The following SERINC5 variants were observed in gnomAD, a reference collection of about 807,000 sequenced individuals.
SERINC5 encodes chromosome 5 open reading frame 12.
In SERINC5, 41 loss-of-function variants were observed where a neutral mutation model predicts 63.1. The observed-to-expected ratio is 0.65, with a 90% CI of 0.51 to 0.84. The LOEUF (loss-of-function observed/expected upper bound fraction) is 0.84. SERINC5 is among the 40% of genes least tolerant of loss of function. The pLI is 0.00. For synonymous variants in SERINC5, 222 were observed against 215.2 expected (o/e 1.03, Z -0.28); for missense variants, 523 against 573.0 (o/e 0.91, Z 0.89).
chr5:80,160,982 G>T (rs200258985), intron 7 of SERINC5, among the ~76,000 whole-genome samples: 13 of 132,988 alleles, frequency 9.8e-5, no homozygotes, highest in African/African-American at 3.4e-4. Context: ...ATGTATATAT[G>T]TGTGTATATG....
In SERINC5 at chr5:80,227,054, C is replaced by T. The variant is rs13355674; in HGVS notation, c.28-24001G>A. ...GGGATTATAGGTGCCCCCCACCACG[C>T]CCGGCTAATTTTTGTATTTTTTGTA... On this transcript the variant is annotated intron_variant, in intron 1 of 11. Coordinates refer to ENST00000507668, the MANE Select transcript of SERINC5 (RefSeq NM_001174072.3). Among the ~76,000 whole-genome samples the T allele has an allele frequency of 4.6e-5, 7 of 151,700 alleles. No homozygotes were observed. In the East Asian group the frequency reaches 1.4e-3, roughly 30 times the overall value.
downstream of SERINC5, among the ~76,000 whole-genome samples, chr5:80,135,481 C>T (rs1387353438): frequency 6.6e-6 from 1 of 152,182 alleles, no homozygotes; most frequent in Admixed American, 6.5e-5. Flanking sequence ...AGTTATCTGC[C>T]TCCCACATTC....
At chr5:80,253,888 G>C (rs965293367) in intron 1 of SERINC5, among the ~76,000 whole-genome samples, 1 of 152,190 alleles carries the variant, frequency 6.6e-6, no homozygotes, top group African/African-American at 2.4e-5. Context: ...AAACAAACAA[G>C]AATTGGTAAC....
At chr5:80,230,446 A>AC (rs1751385328) in intron 1 of SERINC5, among the ~76,000 whole-genome samples, 2 of 35,858 alleles carry the variant, frequency 5.6e-5, no homozygotes, top group Admixed American at 3.2e-4. Flanking sequence ...AGACTGTCAC[A>AC]AAAAAAAAAA....
intron 1 of SERINC5, among the ~76,000 whole-genome samples, chr5:80,204,093 C>T (rs540748058): frequency 2.0e-5 from 3 of 152,298 alleles, no homozygotes; most frequent in Non-Finnish European, 2.9e-5. Context: ...GGGACCCTTC[C>T]GGACAGTGCC....
intron 1 of SERINC5, among the ~76,000 whole-genome samples, chr5:80,223,282 C>G (rs1467103193): frequency 6.6e-6 from 1 of 152,144 alleles, no homozygotes; most frequent in Non-Finnish European, 1.5e-5. Context: ...ATGCTCAAGT[C>G]CCTGATATAA....
intron 7 of SERINC5, among the ~76,000 whole-genome samples, chr5:80,165,369 TC>T (rs1476452803): frequency 6.6e-6 from 1 of 152,220 alleles, no homozygotes; most frequent in Non-Finnish European, 1.5e-5. Context: ...GGAAACAACT[TC>T]AATTCTCTTA....
intron 1 of SERINC5, among the ~76,000 whole-genome samples, chr5:80,214,575 C>CA (rs1750581445): frequency 7.2e-6 from 1 of 138,980 alleles, no homozygotes; most frequent in Non-Finnish European, 1.6e-5. Flanking sequence ...AAAAAACGAA[C>CA]AAAAAAACAC....
intron 1 of SERINC5, among the ~76,000 whole-genome samples, chr5:80,251,109 C>G (rs142737777): frequency 1.3e-5 from 2 of 152,160 alleles, no homozygotes; most frequent in African/African-American, 4.8e-5. Context: ...CAGACCCAGT[C>G]TCTACAAAAA....
At chr5:80,188,346 T>C (rs1168268148) in intron 2 of SERINC5, among the ~76,000 whole-genome samples, 2 of 151,182 alleles carry the variant, frequency 1.3e-5, no homozygotes, top group African/African-American at 4.9e-5. Context: ...TTTGCACTTA[T>C]ATAAGCAAAA....
At chr5:80,169,262 A>G in intron 6 of SERINC5, 73 bp downstream of exon 6, 1 of 1,308,824 alleles carries the variant, frequency 7.6e-7, no homozygotes, top group South Asian at 1.3e-5. Context: ...AACAAAACAA[A>G]AAAAGCCATT....
intron 8 of SERINC5, among the ~76,000 whole-genome samples, chr5:80,156,310 AG>A (rs1300475704): frequency 1.3e-5 from 2 of 152,204 alleles, no homozygotes; most frequent in Middle Eastern, 3.2e-3. Flanking sequence ...CAAACTCTTC[AG>A]AAGTCCAGAT....
chr5:80,163,440 T>C (rs979528632), intron 7 of SERINC5, among the ~76,000 whole-genome samples: 3 of 152,186 alleles, frequency 2.0e-5, no homozygotes, highest in African/African-American at 7.2e-5. Flanking sequence ...CTTCCCATTT[T>C]TCCCCACTCA....
rs1391633510 is a variant in SERINC5, at chr5:80,142,666, C to T, written c.*997G>A. On this transcript the variant is annotated 3_prime_UTR_variant, in exon 12 of 12. Transcript: ENST00000507668. The stretch of plus-strand genomic sequence containing the variant: ...CAGATCCAGAACACAAAACGACTTC[C>T]GCTTTTACAGTTTCAAAGGCCTCAA... 7.1e-6 allele frequency: 7 copies of T among 985,274 alleles called. No individual in the cohort carries two copies. Among genetic ancestry groups the T allele is most frequent in the South Asian group, 4.7e-5 (1 of 21,296 alleles). The allele number at this position is 985,274 out of a possible 1,614,324, so 61.0% of individuals were successfully genotyped here.
In SERINC5 at chr5:80,142,730, AAG is replaced by A; in HGVS notation, c.*931_*932del. The A allele has an allele frequency of 1.0e-6, 1 of 985,482 alleles. No individual in the cohort carries two copies. 61.0% of individuals were successfully genotyped at this position (985,482 alleles called of 1,614,324 possible). ...CTGAGGGGCTGACCTCAACAACTGA[AAG>A]AGCAGTGCATGCAGCAGGCTTCAAC... On this transcript the variant is annotated 3_prime_UTR_variant, in exon 12 of 12. Transcript: ENST00000507668.
chr5:80,136,431 C>T (rs971806374), downstream of SERINC5, among the ~76,000 whole-genome samples: 4 of 152,140 alleles, frequency 2.6e-5, no homozygotes, highest in African/African-American at 7.2e-5. Context: ...ATTAGCACAA[C>T]AATGGGAGAA....
chr5:80,227,473 G>A (rs1399023726), intron 1 of SERINC5, among the ~76,000 whole-genome samples: 8 of 151,860 alleles, frequency 5.3e-5, no homozygotes, highest in Non-Finnish European at 1.2e-4. Flanking sequence ...ATAAAACTGT[G>A]TTTACAGCCG....
At chr5:80,223,847 C>G (rs1451383022) in intron 1 of SERINC5, among the ~76,000 whole-genome samples, 1 of 152,098 alleles carries the variant, frequency 6.6e-6, no homozygotes, top group East Asian at 1.9e-4. Context: ...AAAGTCAAGC[C>G]GGGCGCGGTG....
intron 2 of SERINC5, among the ~76,000 whole-genome samples, chr5:80,184,355 CCTT>C (rs2112439024): frequency 6.6e-6 from 1 of 152,272 alleles, no homozygotes; most frequent in South Asian, 2.1e-4. Context: ...CACCTTTAGA[CCTT>C]CTCTGCCTCC....
Sources: allele counts gnomAD v4.1 joint callset (sites outside exome capture counted in the v4.1 genomes callset), GRCh38; gene constraint gnomAD v4.1.1; transcripts MANE v1.5; gene names NCBI Gene and HGNC (gene_info 2026-07-23, HGNC 2026-07-21).